Variants in GNAL observed in about 807,000 individuals in gnomAD.
GNAL encodes guanine nucleotide-binding protein G(olf) subunit alpha.
Under a neutral mutation model 55.1 loss-of-function variants are expected in GNAL, and 18 were observed. The observed-to-expected ratio is 0.33, with a 90% confidence interval of 0.23 to 0.48. The LOEUF (loss-of-function observed/expected upper bound fraction) is 0.48, where lower values mean the gene tolerates loss of function less well. Among genes scored for constraint, GNAL ranks in the 20% least tolerant of loss-of-function variants. The pLI is 0.99. For missense variants in GNAL, 412 were observed against 614.1 expected (o/e 0.67, Z 3.48); for synonymous variants, 253 against 237.0 (o/e 1.07, Z -0.62).
chr18:11,884,916 A>C lies in GNAL; in HGVS notation c.*3781A>C. 7 of 1,291,938 alleles carry C rather than the reference A, an allele frequency of 5.4e-6. No homozygotes were observed. The highest frequency in any genetic ancestry group is 7.0e-6 in the Non-Finnish European group (7 of 1,005,012). The allele number at this position is 1,291,938 out of a possible 1,614,324, so 80.0% of individuals were successfully genotyped here. ...GCCCCTGGCTCACTGGGTTCCCATC[A>C]AATATAGTGGGGGATCCATAACAGA... On this transcript the variant is annotated 3_prime_UTR_variant, in exon 12 of 12. Transcript: ENST00000334049.
chr18:11,857,824 C>A (rs1388812046), intron 5 of GNAL: 4 of 664,276 alleles, frequency 6.0e-6, no homozygotes, highest in Non-Finnish European at 7.5e-6. Context: ...AACTCCTGGG[C>A]TCCAGTGATC....
At chr18:11,865,138 C>A (rs2855643) in intron 7 of GNAL, among the ~76,000 whole-genome samples, 1 of 139,806 alleles carries the variant, frequency 7.2e-6, no homozygotes. Flanking sequence ...TGTCTCCTGT[C>A]CCCTGGCTTA....
At chr18:11,710,234 C>T (rs2031803817) in intron 1 of GNAL, among the ~76,000 whole-genome samples, 1 of 152,058 alleles carries the variant, frequency 6.6e-6, no homozygotes, top group African/African-American at 2.4e-5. Context: ...GGAATATTAG[C>T]CTATAGTTTC....
At chr18:11,813,060 C>T (rs776415207) in intron 4 of GNAL, among the ~76,000 whole-genome samples, 12 of 151,966 alleles carry the variant, frequency 7.9e-5, no homozygotes, top group Non-Finnish European at 1.5e-4. Flanking sequence ...TCGAGACCAG[C>T]CTGGCCAACA....
chr18:11,719,368 G>C (rs145119245), intron 1 of GNAL, among the ~76,000 whole-genome samples: 8 of 152,092 alleles, frequency 5.3e-5, no homozygotes, highest in East Asian at 3.9e-4. Context: ...AAACAGTCAG[G>C]GTTACCAGAG....
At position 11,862,447 on chromosome 18, in the gene GNAL, C is replaced by A; in HGVS notation, c.775C>A (p.Gln259Lys). 1 of 1,608,816 alleles carries A rather than the reference C, an allele frequency of 6.2e-7. No individual in the cohort carries two copies. The highest frequency in any genetic ancestry group is 8.5e-7 in the Non-Finnish European group (1 of 1,175,160). Residue 259 changes from glutamine to lysine, a missense_variant and splice_region_variant, in exon 6 of 12, where the codon CAG (glutamine) becomes AAG (lysine). Physicochemically the swap from Gln to Lys is moderately conservative, Grantham distance 53. Around this residue, in one of 5 missense-constraint regions of GNAL, gnomAD observed 53 missense variants for 182.7 expected, o/e 0.29. Coordinates refer to ENST00000334049, the MANE Select transcript of GNAL (RefSeq NM_182978.4). ...CTTGGTTGACTACACACCCACAGAC[C>A]AGGTATGTGGAATTAGGGTCCCCCA... ...VSLVDYTPTD[Q>K]DLLRCRVLTS... is the part of the protein sequence containing the mutation.
At chr18:11,878,446 A>C (rs988644028) in intron 11 of GNAL, among the ~76,000 whole-genome samples, 3 of 152,224 alleles carry the variant, frequency 2.0e-5, no homozygotes, top group Non-Finnish European at 4.4e-5. Flanking sequence ...GCAACACTCC[A>C]TCTCAAAATA....
intron 4 of GNAL, among the ~76,000 whole-genome samples, chr18:11,760,506 A>G (rs140168334): frequency 1.3e-5 from 2 of 152,318 alleles, no homozygotes; most frequent in African/African-American, 4.8e-5. Context: ...CATGGAAGGA[A>G]AAAGTACCAT....
At chr18:11,777,495 A>G (rs1001330987) in intron 4 of GNAL, among the ~76,000 whole-genome samples, 1 of 152,256 alleles carries the variant, frequency 6.6e-6, no homozygotes, top group Non-Finnish European at 1.5e-5. Context: ...AATTCAAGGC[A>G]TGTAAACAGA....
At position 11,825,091 on chromosome 18, in the gene GNAL, T is replaced by A. The variant is rs140747473; in HGVS notation, c.722+76T>A. 626 of 812,270 alleles carry A rather than the reference T, an allele frequency of 7.7e-4. 2 individuals are homozygous for A. The African/African-American group carries it at 0.01, about 13-fold the overall frequency. The allele number at this position is 812,270 out of a possible 1,614,324, so 50.3% of individuals were successfully genotyped here. On this transcript the variant is annotated intron_variant, in intron 5 of 11. Transcript: ENST00000334049. ...ATGCATGATTATGCTGCCTTCTCAG[T>A]ACTGAAGTTTCTTGAGTGCAAGGAA...
intron 4 of GNAL, among the ~76,000 whole-genome samples, chr18:11,773,227 A>G (rs2033684874): frequency 6.6e-6 from 1 of 152,144 alleles, no homozygotes; most frequent in East Asian, 1.9e-4. Flanking sequence ...ACCCATAGTT[A>G]CCCATTTTTT....
At chr18:11,784,676 G>A (rs1211893132) in intron 4 of GNAL, among the ~76,000 whole-genome samples, 1 of 152,148 alleles carries the variant, frequency 6.6e-6, no homozygotes, top group Non-Finnish European at 1.5e-5. Flanking sequence ...AGTTGGCTGT[G>A]GTCTGTGTGT....
intron 4 of GNAL, among the ~76,000 whole-genome samples, chr18:11,789,457 T>C (rs902749251): frequency 6.6e-6 from 1 of 152,252 alleles, no homozygotes; most frequent in African/African-American, 2.4e-5. Flanking sequence ...GCAAACCTAC[T>C]TTAATTAAGC....
At chr18:11,753,280 C>T (rs535291512) in intron 2 of GNAL, among the ~76,000 whole-genome samples, 1 of 152,162 alleles carries the variant, frequency 6.6e-6, no homozygotes, top group East Asian at 1.9e-4. Flanking sequence ...AACATATTAT[C>T]CATGGGATAG....
intron 4 of GNAL, among the ~76,000 whole-genome samples, chr18:11,791,945 G>A (rs546528733): frequency 8.6e-5 from 13 of 151,716 alleles, no homozygotes; most frequent in Admixed American, 5.9e-4. Context: ...AGTTAAGCCA[G>A]TCTGTTAAAG....
At position 11,884,504 on chromosome 18, in the gene GNAL, G is replaced by A. The variant is rs988829900; in HGVS notation, c.*3369G>A. 1.9e-6 allele frequency: 3 copies of A among 1,614,026 alleles called. No individual in the cohort carries two copies. Among genetic ancestry groups the A allele is most frequent in the African/African-American group, 1.3e-5 (1 of 74,918 alleles). ...CCAGAAAGAAAAGGTGAGGCTAGAA[G>A]CCCAAAGTGAGTGAGTGTGAGGACC... is the stretch of plus-strand genomic sequence containing the variant. On this transcript the variant is annotated 3_prime_UTR_variant, in exon 12 of 12. Coordinates refer to ENST00000334049, the MANE Select transcript of GNAL (RefSeq NM_182978.4).
At chr18:11,863,262 C>T (rs146137977) in intron 6 of GNAL, among the ~76,000 whole-genome samples, 6 of 152,264 alleles carry the variant, frequency 3.9e-5, no homozygotes, top group East Asian at 1.9e-4. Context: ...GGAGAGCCCC[C>T]GGATTGCTCA....
At position 11,841,110 on chromosome 18, in the gene GNAL, G is replaced by A. The variant is rs1156926138; in HGVS notation, c.722+16095G>A. On this transcript the variant is annotated intron_variant, in intron 5 of 11. Transcript: ENST00000334049. ...GCTGGTCTTGAACTCCTGGGCTCAAGCAACCTGCCCACCTCGGCCTCCCAA... is the reference window on the plus strand; with the variant it reads ...GCTGGTCTTGAACTCCTGGGCTCAAACAACCTGCCCACCTCGGCCTCCCAA... 2.0e-5 allele frequency among the ~76,000 whole-genome samples: 3 copies of A among 151,990 alleles called. No individual in the cohort carries two copies. In the East Asian group the frequency reaches 5.8e-4, roughly 29 times the overall value.
chr18:11,727,164 C>A (rs2032231664), intron 1 of GNAL, among the ~76,000 whole-genome samples: 1 of 152,106 alleles, frequency 6.6e-6, no homozygotes, highest in South Asian at 2.1e-4. Context: ...CACTACCACC[C>A]TGCCCAGCCC....
Sources: gnomAD v4.1 joint callset for allele counts (sites outside exome capture counted in the v4.1 genomes callset) on GRCh38, gnomAD v4.1.1 for gene constraint, gnomAD v4.1.1 regional missense constraint, MANE v1.5 for transcripts, NCBI Gene and HGNC (gene_info 2026-07-23, HGNC 2026-07-21) for gene names.